The following ULK4 variants were observed in gnomAD, a reference collection of about 807,000 sequenced individuals.
The protein encoded by ULK4 is unc-51 like kinase 4.
A neutral mutation model predicts 160.6 loss-of-function variants in ULK4; 133 were observed. The observed-to-expected ratio is 0.83, with a 90% CI of 0.72 to 0.96. The LOEUF is 0.96. Ranked by LOEUF, ULK4 falls within the 40% of genes least tolerant of loss-of-function variation. The pLI, the probability that ULK4 is intolerant of heterozygous loss-of-function variation, is 0.00. For missense variants in ULK4, 1,580 were observed against 1,499.5 expected, an observed-to-expected ratio of 1.05 and a Z score of -0.89; for synonymous variants, 534 against 539.8, an observed-to-expected ratio of 0.99 and a Z score of 0.15.
intron 32 of ULK4, among the ~76,000 whole-genome samples, chr3:41,561,598 A>G (rs2087572458): frequency 6.6e-6 from 1 of 152,174 alleles, no homozygotes; most frequent in Admixed American, 6.5e-5. Context: ...GGAAGGGTGT[A>G]GATGTCCAGG....
chr3:41,373,243 A>G (rs1339935601), intron 35 of ULK4, among the ~76,000 whole-genome samples: 1 of 152,166 alleles, frequency 6.6e-6, no homozygotes, highest in East Asian at 1.9e-4. Context: ...CAGAAAATTA[A>G]TAAGAATATT....
At chr3:41,247,861 C>G (rs1343794344) in intron 36 of ULK4, among the ~76,000 whole-genome samples, 1 of 152,222 alleles carries the variant, frequency 6.6e-6, no homozygotes, top group African/African-American at 2.4e-5. Context: ...GAGAACAATG[C>G]CATCCACTCA....
intron 31 of ULK4, among the ~76,000 whole-genome samples, chr3:41,577,204 A>C (rs2088220192): frequency 6.6e-6 from 1 of 152,236 alleles, no homozygotes; most frequent in Non-Finnish European, 1.5e-5. Context: ...CAGAAAAAAA[A>C]CCGGGCCAAG....
At position 41,916,041 on chromosome 3, in the gene ULK4, G is replaced by T. The variant is rs1292802247; in HGVS notation, c.739C>A (p.Pro247Thr). The T allele has an allele frequency of 1.3e-6, 2 of 1,582,526 alleles. No individual in the cohort carries two copies. Among genetic ancestry groups the T allele is most frequent in the Non-Finnish European group, 1.7e-6 (2 of 1,170,312 alleles). Residue 247 changes from proline (P) to threonine (T), a missense_variant, in exon 8 of 37, where the codon CCT becomes ACT. Pro to Thr is a conservative substitution (Grantham distance 38). Transcript: ENST00000301831. ...TTAATAAAATCTGAAGAAGCTTTAG[G>T]ACGAGAAGAATCTATAAATGAATTA... ...LPPIPKDSSR[P>T]KASSDFINLL...
intron 35 of ULK4, among the ~76,000 whole-genome samples, chr3:41,325,628 A>G (rs1441120859): frequency 6.6e-6 from 1 of 152,162 alleles, no homozygotes; most frequent in Non-Finnish European, 1.5e-5. Flanking sequence ...TATAAAATAT[A>G]TAATAGGCAG....
At chr3:41,729,079 G>A (rs1169184832) in intron 22 of ULK4, among the ~76,000 whole-genome samples, 1 of 152,178 alleles carries the variant, frequency 6.6e-6, no homozygotes, top group Admixed American at 6.5e-5. Context: ...TTTGACTAGA[G>A]TATCTGAAGG....
At chr3:41,774,980 C>A (rs201048757) in intron 21 of ULK4, among the ~76,000 whole-genome samples, 2 of 147,688 alleles carry the variant, frequency 1.4e-5, no homozygotes, top group South Asian at 2.1e-4. Flanking sequence ...GGACAAAAAA[C>A]CAAACACCGC....
intron 35 of ULK4, among the ~76,000 whole-genome samples, chr3:41,326,992 T>C (rs192687334): frequency 1.6e-4 from 25 of 152,340 alleles, no homozygotes; most frequent in Admixed American, 1.6e-3. Context: ...GGAATAACTA[T>C]ATAAAACAGG....
chr3:41,477,824 C>T (rs1458213828), intron 32 of ULK4, among the ~76,000 whole-genome samples: 4 of 152,212 alleles, frequency 2.6e-5, no homozygotes, highest in Non-Finnish European at 4.4e-5. Flanking sequence ...CACTCACATA[C>T]GGCATGGCCC....
In ULK4 at chr3:41,754,497, G is replaced by C. The variant is rs780575347; in HGVS notation, c.2194-9C>G. 3 of 1,606,678 alleles carry C rather than the reference G, an allele frequency of 1.9e-6. No homozygotes were observed. Among genetic ancestry groups the C allele is most frequent in the Non-Finnish European group, 1.7e-6 (2 of 1,177,774 alleles). On this transcript the variant is annotated splice_polypyrimidine_tract_variant and intron_variant, in intron 21 of 36. Transcript: ENST00000301831. ...ATTGTGGAGACAAAACCCTGTAGAA[G>C]ACATTTAAACAATTTTTTGAGAGAA...
chr3:41,651,815 C>T (rs1047195549), intron 30 of ULK4, among the ~76,000 whole-genome samples: 2 of 152,088 alleles, frequency 1.3e-5, no homozygotes, highest in African/African-American at 4.8e-5. Context: ...ATTGTAGCCC[C>T]CAAAATACCC....
At chr3:41,781,200 A>G (rs2039828922) in intron 21 of ULK4, among the ~76,000 whole-genome samples, 1 of 152,184 alleles carries the variant, frequency 6.6e-6, no homozygotes, top group African/African-American at 2.4e-5. Context: ...AGAAAAAATC[A>G]TTTATGAGAA....
At chr3:41,645,905 G>C (rs1449830157) in intron 30 of ULK4, among the ~76,000 whole-genome samples, 3 of 152,188 alleles carry the variant, frequency 2.0e-5, no homozygotes, top group African/African-American at 4.8e-5. Flanking sequence ...ATTTAGGATA[G>C]TTAGCTCTTC....
chr3:41,951,975 T>C (rs1021447079), intron 2 of ULK4, among the ~76,000 whole-genome samples: 4 of 152,206 alleles, frequency 2.6e-5, no homozygotes, highest in African/African-American at 7.2e-5. Context: ...CTGTTATTTA[T>C]AAGCTATCCA....
At chr3:41,658,763 A>T (rs2035041532) in intron 30 of ULK4, among the ~76,000 whole-genome samples, 1 of 152,132 alleles carries the variant, frequency 6.6e-6, no homozygotes, top group African/African-American at 2.4e-5. Flanking sequence ...ACACACATAT[A>T]TACTGGCAGC....
intron 17 of ULK4, among the ~76,000 whole-genome samples, chr3:41,877,114 C>T (rs1374293161): frequency 1.3e-5 from 2 of 152,094 alleles, no homozygotes; most frequent in Admixed American, 1.3e-4. Flanking sequence ...AACTATATAT[C>T]ATATTGGTGA....
intron 2 of ULK4, 30 bp downstream of exon 2, chr3:41,954,592 C>T: frequency 6.3e-7 from 1 of 1,599,874 alleles, no homozygotes; most frequent in Non-Finnish European, 8.5e-7. Flanking sequence ...CTCTCTCTTT[C>T]CCCATGCCAA....
At chr3:41,833,619 A>C (rs995155966) in intron 18 of ULK4, among the ~76,000 whole-genome samples, 2 of 152,102 alleles carry the variant, frequency 1.3e-5, no homozygotes, top group Non-Finnish European at 2.9e-5. Context: ...TCTTTGTAGC[A>C]ACTGTCAATG....
chr3:41,856,118 T>C (rs753347983), intron 17 of ULK4, among the ~76,000 whole-genome samples: 10 of 152,166 alleles, frequency 6.6e-5, no homozygotes, highest in Admixed American at 3.9e-4. Context: ...CCCCAAATGA[T>C]ATGTACTTCA....
Sources: gnomAD v4.1 joint callset for allele counts (sites outside exome capture counted in the v4.1 genomes callset) on GRCh38, gnomAD v4.1.1 for gene constraint, MANE v1.5 for transcripts, NCBI Gene and HGNC (gene_info 2026-07-23, HGNC 2026-07-21) for gene names.